The following ARHGAP6 variants were observed in gnomAD, a reference collection of about 807,000 sequenced individuals.
The protein encoded by ARHGAP6 is rho GTPase-activating protein 6.
Under a neutral mutation model 55.7 loss-of-function variants are expected in ARHGAP6, and 16 were observed. That is an observed-to-expected ratio of 0.29 (90% confidence interval 0.19 to 0.44). The LOEUF (loss-of-function observed/expected upper bound fraction) is 0.44, where lower values mean the gene tolerates loss of function less well. Among genes scored for constraint, ARHGAP6 ranks in the 20% least tolerant of loss-of-function variants. The pLI, the probability that ARHGAP6 is intolerant of heterozygous loss-of-function variation, is 1.00. For missense variants in ARHGAP6, 698 were observed against 808.9 expected (o/e 0.86, Z 1.66); for synonymous variants, 382 against 360.9 (o/e 1.06, Z -0.66).
chrX:11,596,896 T>C (rs984658663), intron 1 of ARHGAP6, among the ~76,000 whole-genome samples: 2 of 112,191 alleles, frequency 1.8e-5, no homozygotes, highest in African/African-American at 3.2e-5. Context: ...AAAACTAATG[T>C]GTGGCACTTT....
intron 1 of ARHGAP6, among the ~76,000 whole-genome samples, chrX:11,311,968 C>G (rs2048306829): frequency 9.3e-6 from 1 of 107,663 alleles, no homozygotes; most frequent in Non-Finnish European, 1.9e-5. Context: ...CTGTGTTTGG[C>G]AAGCTCAACG....
intron 1 of ARHGAP6, among the ~76,000 whole-genome samples, chrX:11,632,739 T>C (rs1016946127): frequency 1.8e-5 from 2 of 112,393 alleles, no homozygotes; most frequent in Non-Finnish European, 3.8e-5. Flanking sequence ...CACAAATACA[T>C]GTATTTAAGT....
chrX:11,637,993 G>T (rs1223356299), intron 1 of ARHGAP6, among the ~76,000 whole-genome samples: 1 of 111,202 alleles, frequency 9.0e-6, no homozygotes, highest in Non-Finnish European at 1.9e-5. Flanking sequence ...ATTTTTCAAT[G>T]AAATCAAGAG....
At chrX:11,222,304 T>C (rs1032895295) in intron 2 of ARHGAP6, among the ~76,000 whole-genome samples, 4 of 112,406 alleles carry the variant, frequency 3.6e-5, no homozygotes, top group African/African-American at 1.3e-4. Flanking sequence ...TCAGTTCTTC[T>C]ATAGCAATAA....
intron 1 of ARHGAP6, among the ~76,000 whole-genome samples, chrX:11,462,687 C>T (rs2050256912): frequency 8.9e-6 from 1 of 112,085 alleles, no homozygotes; most frequent in Non-Finnish European, 1.9e-5. Context: ...CCATTTCATC[C>T]CTCAAATCCA....
intron 2 of ARHGAP6, among the ~76,000 whole-genome samples, chrX:11,215,243 C>T (rs1757336861): frequency 8.8e-6 from 1 of 113,042 alleles, no homozygotes; most frequent in African/African-American, 3.2e-5. Context: ...AACAGGTGCA[C>T]ACCGGGTGAC....
chrX:11,361,835 G>C (rs942895661), intron 1 of ARHGAP6, among the ~76,000 whole-genome samples: 1 of 112,004 alleles, frequency 8.9e-6, no homozygotes, highest in Admixed American at 9.5e-5. Flanking sequence ...CCATCAAAAA[G>C]TGGGCGAAGG....
intron 1 of ARHGAP6, among the ~76,000 whole-genome samples, chrX:11,278,849 A>T (rs754249145): frequency 2.7e-5 from 3 of 109,643 alleles, no homozygotes; most frequent in Admixed American, 9.8e-5. Context: ...TCTATTTTTT[A>T]TTTTTTTTTA....
chrX:11,574,860 T>A (rs2051577611), intron 1 of ARHGAP6, among the ~76,000 whole-genome samples: 1 of 111,476 alleles, frequency 9.0e-6, no homozygotes, highest in South Asian at 3.8e-4. Context: ...CTTAAGCTGA[T>A]AAGCAACTTC....
intron 3 of ARHGAP6, among the ~76,000 whole-genome samples, chrX:11,196,483 A>G (rs1010018165): frequency 4.5e-5 from 5 of 111,394 alleles, no homozygotes; most frequent in Non-Finnish European, 9.4e-5. Context: ...GAAAAAAAAA[A>G]TGCTGAGAAT....
intron 1 of ARHGAP6, among the ~76,000 whole-genome samples, chrX:11,269,452 G>T (rs1288142531): frequency 1.8e-5 from 2 of 111,719 alleles, no homozygotes; most frequent in Non-Finnish European, 3.8e-5. Context: ...TATAGCCAAT[G>T]GTTAGAAATA....
At chrX:11,277,665 G>A (rs893990574) in intron 1 of ARHGAP6, among the ~76,000 whole-genome samples, 6 of 107,638 alleles carry the variant, frequency 5.6e-5, no homozygotes, top group Admixed American at 3.0e-4. Flanking sequence ...TGATGAATAT[G>A]AGTGTCTTGA....
rs376337089 is a variant in ARHGAP6 at position 11,362,125 on chromosome X, C to T, written c.589-107418G>A. 7.8e-3 allele frequency among the ~76,000 whole-genome samples: 872 copies of T among 111,648 alleles called. 14 individuals carry two copies. The highest frequency in any genetic ancestry group is 0.027 in the African/African-American group (825 of 30,664). On this transcript the variant is annotated intron_variant, in intron 1 of 12. Transcript: ENST00000337414. Reference sequence around the variant, plus strand: ...TTCCTCAGGGATCTAGAACTAGAAACACCATTTGACCCAGCCATCCCATTA... The same window carrying T: ...TTCCTCAGGGATCTAGAACTAGAAATACCATTTGACCCAGCCATCCCATTA...
At chrX:11,657,865 TAG>T (rs1363142777) in intron 1 of ARHGAP6, among the ~76,000 whole-genome samples, 3 of 111,359 alleles carry the variant, frequency 2.7e-5, no homozygotes, top group Non-Finnish European at 3.8e-5. Context: ...GTGATGGGGA[TAG>T]GAGGAGCAGG....
chrX:11,289,034 A>G (rs1394442978), intron 1 of ARHGAP6, among the ~76,000 whole-genome samples: 1 of 112,367 alleles, frequency 8.9e-6, no homozygotes. Context: ...CCAGTTAATT[A>G]TAATCCAAAC....
chrX:11,354,479 G>A (rs1181402690), intron 1 of ARHGAP6, among the ~76,000 whole-genome samples: 1 of 106,785 alleles, frequency 9.4e-6, no homozygotes, highest in Non-Finnish European at 1.9e-5. Context: ...GTTAGGACAG[G>A]AGTACCATCC....
At chrX:11,296,783 C>A (rs1347436776) in intron 1 of ARHGAP6, 14 of 1,207,861 alleles carry the variant, frequency 1.2e-5, no homozygotes, top group African/African-American at 1.8e-5. Flanking sequence ...TAAAAGCTAC[C>A]ACCTCATCCT....
At chrX:11,310,899 ATCTG>A (rs1282045166) in intron 1 of ARHGAP6, among the ~76,000 whole-genome samples, 1 of 111,814 alleles carries the variant, frequency 8.9e-6, no homozygotes, top group Non-Finnish European at 1.9e-5. Flanking sequence ...TATGGTTCCT[ATCTG>A]TGAGAGTTTT....
At chrX:11,509,553 G>GA (rs2050765215) in intron 1 of ARHGAP6, among the ~76,000 whole-genome samples, 1 of 111,764 alleles carries the variant, frequency 8.9e-6, no homozygotes, top group South Asian at 3.7e-4. Context: ...TAGCCTATCA[G>GA]GTGGACCTTC....
Sources: gnomAD v4.1 joint callset for allele counts (sites outside exome capture counted in the v4.1 genomes callset) on GRCh38, gnomAD v4.1.1 for gene constraint, MANE v1.5 for transcripts, NCBI Gene and HGNC (gene_info 2026-07-23, HGNC 2026-07-21) for gene names.